STRIP2: variants seen among roughly 807,000 people sequenced by gnomAD.
STRIP2 encodes striatin interacting protein 2.
A neutral mutation model predicts 107.1 loss-of-function variants in STRIP2; 84 were observed. The ratio of observed to expected loss-of-function variants is 0.78; its 90% CI spans 0.66 to 0.94. The LOEUF (loss-of-function observed/expected upper bound fraction) is 0.94, where lower values mean the gene tolerates loss of function less well. Among genes scored for constraint, STRIP2 ranks in the 40% least tolerant of loss-of-function variants. The pLI, the probability that STRIP2 is intolerant of heterozygous loss-of-function variation, is 0.00. For missense variants in STRIP2, 888 were observed against 1,034.2 expected (o/e 0.86, Z 1.94); for synonymous variants, 394 against 400.4 (o/e 0.98, Z 0.19).
At chr7:129,442,164 G>A (rs1015414794) in intron 2 of STRIP2, among the ~76,000 whole-genome samples, 17 of 152,178 alleles carry the variant, frequency 1.1e-4, no homozygotes, top group African/African-American at 4.1e-4. Context: ...GGCAGAGGTT[G>A]CAGTGAGCCA....
In STRIP2 at chr7:129,458,250, C is replaced by A. The variant is rs1426849242; in HGVS notation, c.1074C>A (p.Tyr358Ter). ...CTAAGCAGGACAGCCTGGACATCTA[C>A]AATGAAAGGGATCTCTTCAAGACTG... ...LLTKQDSLDI[Y>*]NERDLFKTEE... The change falls in exon 10 of 21, where the codon TAC (tyrosine) becomes TAA (stop). Residue 358 changes from tyrosine to a stop codon, truncating the protein, a stop_gained. Transcript: ENST00000249344. LOFTEE classifies it high-confidence loss of function. The surrounding 1 kb of genome is among the most constrained non-coding windows in gnomAD (Gnocchi z 4.6). 1.9e-6 allele frequency: 3 copies of A among 1,614,160 alleles called. No individual in the cohort carries two copies. The highest frequency in any genetic ancestry group is 4.5e-5 in the East Asian group (2 of 44,892).
chr7:129,475,221 T>C (rs1315666769), intron 18 of STRIP2, among the ~76,000 whole-genome samples: 1 of 144,704 alleles, frequency 6.9e-6, no homozygotes, highest in African/African-American at 2.4e-5. Context: ...TTGCAATGCT[T>C]AGCATCTGAA....
chr7:129,476,577 CG>C (rs1423252220), intron 18 of STRIP2, among the ~76,000 whole-genome samples: 1 of 150,380 alleles, frequency 6.6e-6, no homozygotes, highest in Non-Finnish European at 1.5e-5. Flanking sequence ...ACATCCCAGA[CG>C]GGGCGGAGGG....
At chr7:129,442,743 G>C (rs966705437) in intron 2 of STRIP2, among the ~76,000 whole-genome samples, 10 of 152,140 alleles carry the variant, frequency 6.6e-5, no homozygotes, top group Admixed American at 6.6e-4. Flanking sequence ...GTCACTCCTA[G>C]ATTCTGGAAC....
chr7:129,456,983 C>T (rs1274015045), intron 9 of STRIP2, among the ~76,000 whole-genome samples: 1 of 152,158 alleles, frequency 6.6e-6, no homozygotes, highest in Non-Finnish European at 1.5e-5. Context: ...GATACCGGAA[C>T]AGGTCTCCAA....
chr7:129,456,694 A>G, intron 9 of STRIP2, 52 bp downstream of exon 9: 1 of 1,506,950 alleles, frequency 6.6e-7, no homozygotes, highest in Non-Finnish European at 9.1e-7. Flanking sequence ...CCAAAAATCA[A>G]GATTCTAAGT....
chr7:129,480,671 G>C (rs915843277), intron 18 of STRIP2, 114 bp from the exon 19 acceptor site: 2 of 765,482 alleles, frequency 2.6e-6, no homozygotes, highest in Non-Finnish European at 4.3e-6. Context: ...AGGTGAGGAG[G>C]TATTATTTCA....
rs201665090 is a variant in STRIP2 at position 129,482,355 on chromosome 7, CTATA to C, written c.2050-467_2050-464del. 6.5e-3 allele frequency among the ~76,000 whole-genome samples: 714 copies of C among 109,048 alleles called. 26 individuals carry two copies. The highest frequency in any genetic ancestry group is 0.029 in the Middle Eastern group (5 of 170). The allele number at this position is 109,048 out of a possible 152,430, so 71.5% of individuals were successfully genotyped here. A position where few individuals can be genotyped will look rare whatever the true frequency, so the allele number is the denominator to read the frequency against. ...TAGTTCTCTCTCTCTCTCTCTCTCT[CTATA>C]TATATATATATATATATATTTTTTT... On this transcript the variant is annotated intron_variant, in intron 19 of 20. Coordinates refer to ENST00000249344, the MANE Select transcript of STRIP2 (RefSeq NM_020704.3).
intron 18 of STRIP2, among the ~76,000 whole-genome samples, chr7:129,477,063 C>G (rs1056329794): frequency 1.3e-5 from 2 of 151,442 alleles, no homozygotes; most frequent in African/African-American, 4.9e-5. Context: ...CAATCGCAGG[C>G]ACTCGGCAGG....
chr7:129,435,113 C>T (rs1797699330), intron 1 of STRIP2, among the ~76,000 whole-genome samples: 5 of 152,180 alleles, frequency 3.3e-5, no homozygotes, highest in Admixed American at 3.3e-4. Context: ...CCGTCCCCTT[C>T]CCCCCGTAAG....
rs1799241808 is a variant in STRIP2 at position 129,486,214 on chromosome 7, T to C, written c.*385T>C. On this transcript the variant is annotated 3_prime_UTR_variant, in exon 21 of 21. Coordinates refer to ENST00000249344, the MANE Select transcript of STRIP2 (RefSeq NM_020704.3). Reference sequence around the variant, plus strand: ...AAGTCATAAAATAGGGAGAAAGTTTTCTTCTTGCTCACACTGGATTCCTAG... The same window carrying C: ...AAGTCATAAAATAGGGAGAAAGTTTCCTTCTTGCTCACACTGGATTCCTAG... The C allele has an allele frequency of 5.6e-6, 1 of 179,494 alleles. No homozygotes were observed. Among genetic ancestry groups the C allele is most frequent in the African/African-American group, 2.3e-5 (1 of 42,630 alleles). The allele number at this position is 179,494 out of a possible 1,614,324, so 11.1% of individuals were successfully genotyped here.
At chr7:129,480,651 A>C in intron 18 of STRIP2, 134 bp from the exon 19 acceptor site, 1 of 678,914 alleles carries the variant, frequency 1.5e-6, no homozygotes, top group Non-Finnish European at 2.5e-6. Context: ...CAGTGTGTTA[A>C]GAAACAGGAA....
At chr7:129,472,647 T>G (rs1798813409) in intron 18 of STRIP2, among the ~76,000 whole-genome samples, 1 of 151,992 alleles carries the variant, frequency 6.6e-6, no homozygotes, top group Admixed American at 6.6e-5. Flanking sequence ...TCTAAACTGG[T>G]GACTTCTGTG....
At chr7:129,472,649 A>T (rs1253094758) in intron 18 of STRIP2, among the ~76,000 whole-genome samples, 1 of 152,046 alleles carries the variant, frequency 6.6e-6, no homozygotes, top group Non-Finnish European at 1.5e-5. Flanking sequence ...TAAACTGGTG[A>T]CTTCTGTGCT....
At chr7:129,453,591 C>T (rs1798258887) in intron 5 of STRIP2, among the ~76,000 whole-genome samples, 1 of 152,200 alleles carries the variant, frequency 6.6e-6, no homozygotes, top group Non-Finnish European at 1.5e-5. Flanking sequence ...TCCTGGGCTT[C>T]AGGGGCCTAT....
At chr7:129,453,997 G>T (rs898997257) in intron 5 of STRIP2, 145 bp from the exon 6 acceptor site, 30 of 682,650 alleles carry the variant, frequency 4.4e-5, no homozygotes, top group Middle Eastern at 2.5e-4. Context: ...GGGGAATTCT[G>T]TCAGCTCCTT....
chr7:129,434,984 G>C (rs1026742424), intron 1 of STRIP2, among the ~76,000 whole-genome samples: 7 of 152,222 alleles, frequency 4.6e-5, no homozygotes, highest in Non-Finnish European at 8.8e-5. Flanking sequence ...TTGAGGGGTG[G>C]GAGGCTGGAG....
chr7:129,460,291 TCTTTGTCAG>T lies in STRIP2; in HGVS notation c.1405-8_1405del. 1 of 1,612,926 alleles carries T rather than the reference TCTTTGTCAG, an allele frequency of 6.2e-7. No individual in the cohort carries two copies. Among genetic ancestry groups the T allele is most frequent in the South Asian group, 1.1e-5 (1 of 90,822 alleles). On this transcript the variant is annotated splice_acceptor_variant and splice_polypyrimidine_tract_variant and intron_variant, in intron 12 of 20. Transcript: ENST00000249344. LOFTEE classifies it high-confidence loss of function. ...CTCAGCCCTTGTTGATGTCTTCTTA[TCTTTGTCAG>T]CACAAGTATATCTCCATCGCAGATG...
chr7:129,440,128 G>A, intron 2 of STRIP2, 37 bp downstream of exon 2: 1 of 1,578,176 alleles, frequency 6.3e-7, no homozygotes, highest in South Asian at 1.1e-5. Context: ...GTGGAAGAAT[G>A]GCCAGGAGGA....
Sources: gnomAD v4.1 joint callset for allele counts (sites outside exome capture counted in the v4.1 genomes callset) on GRCh38, gnomAD v4.1.1 for gene constraint, Gnocchi (gnomAD v3.1) non-coding constraint, MANE v1.5 for transcripts, NCBI Gene and HGNC (gene_info 2026-07-23, HGNC 2026-07-21) for gene names.